CDH18: variants seen among roughly 807,000 people sequenced by gnomAD.
CDH18 encodes cadherin-18.
Under a neutral mutation model 67.9 loss-of-function variants are expected in CDH18, and 31 were observed. The observed-to-expected ratio is 0.46, with a 90% confidence interval of 0.34 to 0.62. The LOEUF (loss-of-function observed/expected upper bound fraction) is 0.62. CDH18 is among the 20% of genes least tolerant of loss of function. The pLI is 0.01. For synonymous variants in CDH18, 362 were observed against 347.2 expected (o/e 1.04, Z -0.48); for missense variants, 890 against 975.5 (o/e 0.91, Z 1.17).
chr5:20,329,501 G>A (rs1049864891), intron 1 of CDH18, among the ~76,000 whole-genome samples: 1 of 151,996 alleles, frequency 6.6e-6, no homozygotes, highest in Non-Finnish European at 1.5e-5. Context: ...GGTTGCTCAC[G>A]CCTGTAATCT....
At chr5:20,526,192 T>A (rs992413170) in intron 1 of CDH18, among the ~76,000 whole-genome samples, 11 of 152,022 alleles carry the variant, frequency 7.2e-5, no homozygotes, top group Admixed American at 7.2e-4. Context: ...ATCCAACCCT[T>A]TTCACCAGGC....
At chr5:19,531,744 C>T (rs901885193) in intron 9 of CDH18, among the ~76,000 whole-genome samples, 1 of 152,000 alleles carries the variant, frequency 6.6e-6, no homozygotes, top group African/African-American at 2.4e-5. Context: ...CCAGTCTGGC[C>T]AACATGGTGA....
intron 2 of CDH18, among the ~76,000 whole-genome samples, chr5:19,936,429 A>G (rs906674524): frequency 2.6e-5 from 4 of 151,216 alleles, no homozygotes; most frequent in Non-Finnish European, 4.5e-5. Flanking sequence ...AACCTGAACT[A>G]CTCTGAATTT....
At chr5:19,916,732 GT>G (rs1428230397) in intron 2 of CDH18, among the ~76,000 whole-genome samples, 1 of 151,888 alleles carries the variant, frequency 6.6e-6, no homozygotes, top group East Asian at 1.9e-4. Flanking sequence ...TTTTTTTTCT[GT>G]TAAGTTCTAG....
intron 3 of CDH18, among the ~76,000 whole-genome samples, chr5:19,757,746 C>A (rs1771798821): frequency 6.6e-6 from 1 of 152,190 alleles, no homozygotes; most frequent in African/African-American, 2.4e-5. Context: ...TTCCAAGTCC[C>A]TGGCCATCCA....
intron 11 of CDH18, among the ~76,000 whole-genome samples, chr5:19,496,644 T>C (rs1484772109): frequency 6.6e-6 from 1 of 151,952 alleles, no homozygotes; most frequent in Non-Finnish European, 1.5e-5. Context: ...AAACCCTGTC[T>C]CCACTAAAAA....
chr5:19,562,954 C>T (rs181864251), intron 8 of CDH18, among the ~76,000 whole-genome samples: 3 of 152,028 alleles, frequency 2.0e-5, no homozygotes, highest in Admixed American at 6.6e-5. Context: ...AACTACAATA[C>T]GGAGAAACTA....
At chr5:19,584,218 G>T (rs1013804576) in intron 7 of CDH18, among the ~76,000 whole-genome samples, 1 of 152,084 alleles carries the variant, frequency 6.6e-6, no homozygotes, top group East Asian at 1.9e-4. Flanking sequence ...AACAATGAAT[G>T]AAAGTTATCA....
At chr5:19,824,654 A>G (rs1005458939) in intron 3 of CDH18, among the ~76,000 whole-genome samples, 1 of 152,154 alleles carries the variant, frequency 6.6e-6, no homozygotes, top group East Asian at 1.9e-4. Flanking sequence ...TGTGAGTAGT[A>G]AGATTGCTTC....
At chr5:20,095,208 A>G (rs1745786295) in intron 2 of CDH18, among the ~76,000 whole-genome samples, 1 of 151,312 alleles carries the variant, frequency 6.6e-6, no homozygotes, top group Non-Finnish European at 1.5e-5. Flanking sequence ...AATGTAGATG[A>G]CGGGTTGATG....
intron 2 of CDH18, among the ~76,000 whole-genome samples, chr5:19,919,535 T>C (rs1349680136): frequency 1.3e-5 from 2 of 152,134 alleles, no homozygotes; most frequent in African/African-American, 4.8e-5. Flanking sequence ...GAACATCCAG[T>C]TGATGTTTGC....
intron 2 of CDH18, among the ~76,000 whole-genome samples, chr5:20,035,475 G>A (rs537091319): frequency 6.6e-6 from 1 of 151,964 alleles, no homozygotes; most frequent in African/African-American, 2.4e-5. Context: ...TGGCTGGGGA[G>A]GCCTCAAGAG....
At chr5:19,827,081 T>C (rs1258854221) in intron 3 of CDH18, among the ~76,000 whole-genome samples, 1 of 152,130 alleles carries the variant, frequency 6.6e-6, no homozygotes, top group African/African-American at 2.4e-5. Context: ...AGGGTTGTTA[T>C]TGTAATTTCA....
chr5:19,533,598 C>G (rs983978323), intron 9 of CDH18, among the ~76,000 whole-genome samples: 1 of 151,964 alleles, frequency 6.6e-6, no homozygotes, highest in Admixed American at 6.6e-5. Flanking sequence ...CAGGGGCATG[C>G]TTTAGACAGT....
At chr5:20,350,027 A>G (rs1010109736) in intron 1 of CDH18, among the ~76,000 whole-genome samples, 15 of 152,274 alleles carry the variant, frequency 9.9e-5, no homozygotes, top group African/African-American at 2.9e-4. Context: ...CAGAAATAGT[A>G]AAGCCTGGCT....
At chr5:19,728,931 C>T (rs916777223) in intron 4 of CDH18, among the ~76,000 whole-genome samples, 3 of 152,286 alleles carry the variant, frequency 2.0e-5, no homozygotes, top group African/African-American at 7.2e-5. Flanking sequence ...ATTTCACCAA[C>T]AGACCAATAA....
At chr5:20,011,061 C>T (rs1193171662) in intron 2 of CDH18, among the ~76,000 whole-genome samples, 2 of 152,130 alleles carry the variant, frequency 1.3e-5, no homozygotes, top group African/African-American at 4.8e-5. Flanking sequence ...CATTTACCAC[C>T]TTTTATCTCA....
chr5:20,473,345 T>C (rs978564876), intron 1 of CDH18, among the ~76,000 whole-genome samples: 3 of 152,200 alleles, frequency 2.0e-5, no homozygotes, highest in Non-Finnish European at 4.4e-5. Flanking sequence ...ATATAATGTA[T>C]AGTATTTCAA....
chr5:19,582,244 A>C (rs999024561), intron 7 of CDH18, among the ~76,000 whole-genome samples: 1 of 152,112 alleles, frequency 6.6e-6, no homozygotes, highest in African/African-American at 2.4e-5. Flanking sequence ...TGACATAAAT[A>C]AAATAATTAA....
Sources: gnomAD v4.1 joint callset for allele counts (sites outside exome capture counted in the v4.1 genomes callset) on GRCh38, gnomAD v4.1.1 for gene constraint, MANE v1.5 for transcripts, NCBI Gene and HGNC (gene_info 2026-07-23, HGNC 2026-07-21) for gene names.